The following ADGRF3 variants were observed in gnomAD, a reference collection of about 807,000 sequenced individuals.
The protein encoded by ADGRF3 is adhesion G protein-coupled receptor F3, also known as G protein-coupled receptor 113.
In ADGRF3, 85 loss-of-function variants were observed where a neutral mutation model predicts 93.2. That is an observed-to-expected ratio of 0.91 (90% CI 0.77 to 1.09). ADGRF3 has a LOEUF of 1.09. ADGRF3 is among the 50% of genes least tolerant of loss of function. The pLI is 0.00. For missense variants in ADGRF3, 1,125 were observed against 1,246.2 expected, an observed-to-expected ratio of 0.90 and a Z score of 1.46; for synonymous variants, 534 against 532.5, an observed-to-expected ratio of 1.00 and a Z score of -0.04.
At position 26,308,429 on chromosome 2, in the gene ADGRF3, G is replaced by T. The variant is rs889500951; in HGVS notation, c.*657C>A. The stretch of plus-strand genomic sequence containing the variant: ...AAATATAAATTAAACTTTATTAATT[G>T]ATATAAATTTATATTAAACTTTAAA... On this transcript the variant is annotated 3_prime_UTR_variant, in exon 14 of 14. Transcript: ENST00000651242. 6.6e-6 allele frequency: 1 copy of T among 151,918 alleles called. No individual in the cohort carries two copies. Among genetic ancestry groups the T allele is most frequent in the South Asian group, 2.1e-4 (1 of 4,818 alleles). The allele number at this position is 151,918 out of a possible 1,614,324, so 9.4% of individuals were successfully genotyped here. A position where few individuals can be genotyped will look rare whatever the true frequency, so the allele number is the denominator to read the frequency against.
At chr2:26,317,913 C>A in intron 1 of ADGRF3, 1 of 954,654 alleles carries the variant, frequency 1.0e-6, no homozygotes, top group East Asian at 2.6e-5. Context: ...GGGGCCCAGG[C>A]GCTTGGGGAG....
intron 1 of ADGRF3, among the ~76,000 whole-genome samples, chr2:26,327,995 A>C (rs1314766034): frequency 6.6e-6 from 1 of 152,170 alleles, no homozygotes; most frequent in Non-Finnish European, 1.5e-5. Context: ...GACACATTCA[A>C]ACCACAGCAT....
At chr2:26,341,117 G>A (rs1326848842) in intron 1 of ADGRF3, among the ~76,000 whole-genome samples, 6 of 152,124 alleles carry the variant, frequency 3.9e-5, no homozygotes, top group Non-Finnish European at 5.9e-5. Flanking sequence ...GGTGGCTCAC[G>A]CCTGTAATCC....
At chr2:26,336,721 A>AT (rs1676066568) in intron 1 of ADGRF3, among the ~76,000 whole-genome samples, 1 of 41,180 alleles carries the variant, frequency 2.4e-5, no homozygotes, top group South Asian at 8.8e-4. Flanking sequence ...GTGAGACTCC[A>AT]TAAAAAAAAA....
In ADGRF3 at chr2:26,313,470, T is replaced by C. The variant is rs1424811741; in HGVS notation, c.1176A>G (p.Ile392Met). Residue 392 changes from isoleucine (I) to methionine (M), a missense_variant, in exon 8 of 14, where the codon ATA (isoleucine) becomes ATG (methionine). Coordinates refer to ENST00000651242, the MANE Select transcript of ADGRF3 (RefSeq NM_001321971.2). ...CGTCAGCCCCACAGAGCCTCCTCAC[T>C]ATGCCCCTCTTGCTCTCAGGACATG... Reference protein sequence around the residue: ...QAPCPESKRGIVRRLCGADGV... With the variant: ...QAPCPESKRGMVRRLCGADGV... 1.9e-6 allele frequency: 3 copies of C among 1,611,684 alleles called. No individual in the cohort carries two copies. Among genetic ancestry groups the C allele is most frequent in the Admixed American group, 1.7e-5 (1 of 59,768 alleles).
chr2:26,345,198 G>A (rs1346900309), intron 1 of ADGRF3, among the ~76,000 whole-genome samples: 1 of 152,128 alleles, frequency 6.6e-6, no homozygotes, highest in Non-Finnish European at 1.5e-5. Flanking sequence ...GATAATGTAT[G>A]TGAAGTTCTC....
chr2:26,312,253 A>G (rs78388187), intron 9 of ADGRF3, among the ~76,000 whole-genome samples, 179 bp from the exon 10 acceptor site: 6,505 of 128,954 alleles, frequency 0.05, 221 homozygotes, highest in African/African-American at 0.11. Flanking sequence ...TGGGAAGAAC[A>G]GGGAGCTGTT....
chr2:26,331,268 T>G (rs1310860615), intron 1 of ADGRF3, among the ~76,000 whole-genome samples: 1 of 152,304 alleles, frequency 6.6e-6, no homozygotes. Flanking sequence ...TAAAAAAGTA[T>G]GTGTGGCCAG....
At chr2:26,317,421 C>T (rs1674797755) in intron 2 of ADGRF3, 75 bp downstream of exon 2, 1 of 1,419,810 alleles carries the variant, frequency 7.0e-7, no homozygotes. Context: ...CCTCTCTTTT[C>T]TGGGTCCTGG....
intron 1 of ADGRF3, among the ~76,000 whole-genome samples, chr2:26,324,537 T>A (rs1472486415): frequency 6.6e-6 from 1 of 152,200 alleles, no homozygotes; most frequent in Non-Finnish European, 1.5e-5. Flanking sequence ...TGTGTTTTCA[T>A]CATTTAGCTC....
intron 1 of ADGRF3, chr2:26,319,008 A>G (rs1228381441): frequency 6.4e-7 from 1 of 1,551,556 alleles, no homozygotes; most frequent in Admixed American, 2.0e-5. Flanking sequence ...GCAGGGGAAG[A>G]GTTGTGGCCA....
rs1558377123 is a variant in ADGRF3 at position 26,310,853 on chromosome 2, C to T, written c.2671G>A (p.Gly891Arg). ...LKLLRPSLSE[G>R]PPAEKRQALL... The stretch of plus-strand genomic sequence containing the variant: ...GCTTGGCGCTTCTCTGCTGGGGGTC[C>T]CTCTGACAGCGAAGGTCTCAGCAAC... Residue 891 changes from glycine (G) to arginine (R), a missense_variant, in exon 10 of 14, where the codon GGA becomes AGA. Physicochemically the swap from Gly to Arg is moderately radical, Grantham distance 125. Transcript: ENST00000651242. 3 of 1,612,862 alleles carry T rather than the reference C, an allele frequency of 1.9e-6. No individual in the cohort carries two copies. Among genetic ancestry groups the T allele is most frequent in the African/African-American group, 2.7e-5 (2 of 74,944 alleles).
chr2:26,345,991 C>A, intron 1 of ADGRF3, 130 bp downstream of exon 1: 1 of 910,452 alleles, frequency 1.1e-6, no homozygotes, highest in Non-Finnish European at 1.6e-6. Flanking sequence ...GGGGGACGGG[C>A]CGCTCGAGCG....
chr2:26,312,264 T>G (rs1208053510), intron 9 of ADGRF3, among the ~76,000 whole-genome samples, 190 bp from the exon 10 acceptor site: 1 of 80,146 alleles, frequency 1.2e-5, no homozygotes, highest in Non-Finnish European at 2.6e-5. Context: ...GGGAGCTGTT[T>G]GGCCAACCAC....
At chr2:26,322,064 C>A (rs1440108266) in intron 1 of ADGRF3, among the ~76,000 whole-genome samples, 1 of 151,172 alleles carries the variant, frequency 6.6e-6, no homozygotes, top group Non-Finnish European at 1.5e-5. Flanking sequence ...GTGGGCAGAT[C>A]ATGAGGTCAG....
At chr2:26,312,626 T>C (rs1187544028) in intron 9 of ADGRF3, among the ~76,000 whole-genome samples, 9 of 152,222 alleles carry the variant, frequency 5.9e-5, no homozygotes, top group Non-Finnish European at 1.3e-4. Context: ...AAGCCAAGCA[T>C]ACTTCAGCGT....
At chr2:26,333,792 G>A (rs571432217) in intron 1 of ADGRF3, among the ~76,000 whole-genome samples, 28 of 152,070 alleles carry the variant, frequency 1.8e-4, no homozygotes, top group Non-Finnish European at 3.1e-4. Flanking sequence ...GGCTGTACCT[G>A]TACAAGAACA....
intron 1 of ADGRF3, among the ~76,000 whole-genome samples, chr2:26,329,503 A>G (rs1021911098): frequency 1.3e-5 from 2 of 152,240 alleles, no homozygotes; most frequent in African/African-American, 4.8e-5. Context: ...CAGAAGTTGG[A>G]AAGAGCAAGC....
At position 26,310,743 on chromosome 2, in the gene ADGRF3, C is replaced by T. The variant is rs767259048; in HGVS notation, c.2781G>A (p.Glu927=). 6.2e-7 allele frequency: 1 copy of T among 1,613,272 alleles called. No homozygotes were observed. The highest frequency in any genetic ancestry group is 1.7e-5 in the Admixed American group (1 of 59,896). ...TGTAATGAGGGACCGTGGAGACTTC[C>T]TCTAACAGAGTGGCCAGGCCCAGCC... ...TWGLGLATLL[E]EVSTVPHYIF... Residue 927 remains glutamate, a synonymous_variant, in exon 10 of 14, where the codon GAG becomes GAA. Transcript: ENST00000651242.
Sources: allele counts gnomAD v4.1 joint callset (sites outside exome capture counted in the v4.1 genomes callset), GRCh38; gene constraint gnomAD v4.1.1; transcripts MANE v1.5; gene names NCBI Gene and HGNC (gene_info 2026-07-23, HGNC 2026-07-21).